Variants in GSG1L observed in about 807,000 individuals in gnomAD.
The protein encoded by GSG1L is germ cell-specific gene 1-like protein.
GSG1L carries 24 observed loss-of-function variants against 42.1 expected under a neutral mutation model. The ratio of observed to expected loss-of-function variants is 0.57; its 90% CI spans 0.41 to 0.80. The LOEUF (loss-of-function observed/expected upper bound fraction) is 0.80. Among genes scored for constraint, GSG1L ranks in the 30% least tolerant of loss-of-function variants. GSG1L has a pLI of 0.00. For synonymous variants in GSG1L, 215 were observed against 203.5 expected (o/e 1.06, Z -0.48); for missense variants, 445 against 472.2 (o/e 0.94, Z 0.53).
At chr16:27,876,096 A>C (rs2083883634) in intron 3 of GSG1L, among the ~76,000 whole-genome samples, 2 of 152,106 alleles carry the variant, frequency 1.3e-5, no homozygotes, top group Admixed American at 1.3e-4. Flanking sequence ...TAATATGTAA[A>C]TATTCATCTT....
intron 2 of GSG1L, among the ~76,000 whole-genome samples, chr16:27,896,923 GCA>G (rs2141038124): frequency 6.6e-6 from 1 of 152,248 alleles, no homozygotes; most frequent in East Asian, 1.9e-4. Flanking sequence ...GAGTGCAGTG[GCA>G]CGATCTCAGC....
At chr16:27,816,365 C>T in intron 5 of GSG1L, among the ~76,000 whole-genome samples, 1 of 152,148 alleles carries the variant, frequency 6.6e-6, no homozygotes, top group East Asian at 1.9e-4. Context: ...TGCCCTTTGC[C>T]CCAGAAGAGA....
At chr16:27,963,746 G>A (rs1182690701) in intron 1 of GSG1L, among the ~76,000 whole-genome samples, 1 of 152,134 alleles carries the variant, frequency 6.6e-6, no homozygotes, top group Non-Finnish European at 1.5e-5. Context: ...ACACCCCTGT[G>A]CAGCCTCCCA....
chr16:28,034,457 G>A (rs112271552), intron 1 of GSG1L, among the ~76,000 whole-genome samples: 1 of 152,276 alleles, frequency 6.6e-6, no homozygotes, highest in East Asian at 1.9e-4. Flanking sequence ...AAAAGGTAGC[G>A]GGGCTTCAGT....
chr16:27,990,524 T>C (rs902839238), intron 1 of GSG1L, among the ~76,000 whole-genome samples: 1 of 152,148 alleles, frequency 6.6e-6, no homozygotes, highest in Non-Finnish European at 1.5e-5. Context: ...CAATAAAAGG[T>C]CCTCTGGAAA....
At chr16:27,934,380 C>T (rs111231334) in intron 2 of GSG1L, among the ~76,000 whole-genome samples, 1 of 151,974 alleles carries the variant, frequency 6.6e-6, no homozygotes, top group Non-Finnish European at 1.5e-5. Flanking sequence ...CCCATCTCTA[C>T]AAAAATTAGC....
intron 2 of GSG1L, among the ~76,000 whole-genome samples, chr16:27,890,533 T>A (rs2084113562): frequency 6.6e-6 from 1 of 152,158 alleles, no homozygotes; most frequent in Admixed American, 6.5e-5. Context: ...GACAAGTAGA[T>A]AAACTGATAA....
intron 3 of GSG1L, among the ~76,000 whole-genome samples, chr16:27,861,220 T>C (rs560576257): frequency 6.6e-6 from 1 of 151,908 alleles, no homozygotes; most frequent in South Asian, 2.1e-4. Flanking sequence ...AATATATATA[T>C]ACAAAAATTA....
At chr16:28,021,192 C>T (rs12444488) in intron 1 of GSG1L, among the ~76,000 whole-genome samples, 75,716 of 151,876 alleles carry the variant, frequency 0.5, 20,617 homozygotes, top group Non-Finnish European at 0.61. Context: ...ATCTGCTTGG[C>T]TTCTGGGGAG....
intron 1 of GSG1L, among the ~76,000 whole-genome samples, chr16:28,020,751 T>TG (rs1170472737): frequency 2.0e-5 from 3 of 152,350 alleles, no homozygotes; most frequent in South Asian, 2.1e-4. Flanking sequence ...TTGCTGAATC[T>TG]GGGGGAAGCC....
At chr16:27,888,587 G>A (rs1038324558) in intron 2 of GSG1L, among the ~76,000 whole-genome samples, 42 of 119,030 alleles carry the variant, frequency 3.5e-4, no homozygotes, top group African/African-American at 7.4e-4. Flanking sequence ...TTCTTTCTCC[G>A]TCTCTCTCTG....
intron 1 of GSG1L, among the ~76,000 whole-genome samples, chr16:27,975,303 C>A (rs1025798544): frequency 6.6e-6 from 1 of 152,036 alleles, no homozygotes; most frequent in Non-Finnish European, 1.5e-5. Context: ...GGCACAGAGT[C>A]CAGGCAGTTC....
intron 1 of GSG1L, among the ~76,000 whole-genome samples, chr16:27,979,700 A>AAGGG: frequency 2.1e-5 from 1 of 46,568 alleles, no homozygotes; most frequent in Non-Finnish European, 4.8e-5. Flanking sequence ...GGAAGGAAGG[A>AAGGG]AGGAAGGAAG....
At chr16:27,824,333 C>T (rs1487649932) in intron 5 of GSG1L, among the ~76,000 whole-genome samples, 2 of 152,188 alleles carry the variant, frequency 1.3e-5, no homozygotes, top group Admixed American at 6.5e-5. Flanking sequence ...ATTTGGAAAA[C>T]TCACTCCAAA....
At chr16:27,804,564 G>T (rs1397253721) in intron 6 of GSG1L, among the ~76,000 whole-genome samples, 2 of 151,440 alleles carry the variant, frequency 1.3e-5, no homozygotes, top group Non-Finnish European at 2.9e-5. Context: ...ACTCCCTGCT[G>T]TCTCTCCAGC....
chr16:27,890,465 C>G (rs1384290676), intron 2 of GSG1L, among the ~76,000 whole-genome samples: 1 of 152,104 alleles, frequency 6.6e-6, no homozygotes, highest in Non-Finnish European at 1.5e-5. Context: ...TGGAGGCTTC[C>G]GCTGCACTCC....
chr16:28,030,127 G>A (rs2085941750), intron 1 of GSG1L, among the ~76,000 whole-genome samples: 1 of 152,204 alleles, frequency 6.6e-6, no homozygotes, highest in African/African-American at 2.4e-5. Flanking sequence ...AGGATGTTCT[G>A]TGGTTCTGCC....
chr16:27,814,197 G>A (rs568284432), intron 5 of GSG1L, among the ~76,000 whole-genome samples: 7 of 151,962 alleles, frequency 4.6e-5, no homozygotes, highest in Non-Finnish European at 5.9e-5. Flanking sequence ...CTGTAACCTC[G>A]ACCTTCTGGG....
At chr16:27,857,716 C>T (rs1010904882) in intron 3 of GSG1L, among the ~76,000 whole-genome samples, 9 of 152,164 alleles carry the variant, frequency 5.9e-5, no homozygotes, top group Admixed American at 3.9e-4. Flanking sequence ...ACTTCTTTCT[C>T]TCCATCTCTC....
Sources: allele counts gnomAD v4.1 joint callset (sites outside exome capture counted in the v4.1 genomes callset), GRCh38; gene constraint gnomAD v4.1.1; transcripts MANE v1.5; gene names NCBI Gene and HGNC (gene_info 2026-07-23, HGNC 2026-07-21).